Variants in PDF observed in about 807,000 individuals in gnomAD.
PDF encodes peptide deformylase, mitochondrial.
In PDF, 31 loss-of-function variants were observed where a neutral mutation model predicts 20.3. The ratio of observed to expected loss-of-function variants is 1.52; its 90% CI spans 1.15 to 2.06. The LOEUF is 2.06. PDF is among the 30% of genes most tolerant of loss of function. PDF has a pLI of 0.00. For missense variants in PDF, 447 were observed against 362.5 expected (o/e 1.23, Z -1.89); for synonymous variants, 254 against 172.0 (o/e 1.48, Z -3.73).
chr16:69,328,768 T>C lies in PDF; in HGVS notation c.*254A>G. On this transcript the variant is annotated 3_prime_UTR_variant, in exon 2 of 2. Transcript: ENST00000288022. ...AATGCAATTACCCCACCTTCCTCCA[T>C]ACAGAATTGTTAGGAAATGTCCACT... is the stretch of plus-strand genomic sequence containing the variant. 6 of 478,476 alleles carry C rather than the reference T, an allele frequency of 1.3e-5. No individual in the cohort carries two copies. Among genetic ancestry groups the C allele is most frequent in the Non-Finnish European group, 1.8e-5 (5 of 274,262 alleles). 29.6% of individuals were successfully genotyped at this position (478,476 alleles called of 1,614,324 possible). A position where few individuals can be genotyped will look rare whatever the true frequency, so the allele number is the denominator to read the frequency against.
At position 69,330,225 on chromosome 16, in the gene PDF, G is replaced by A. The variant is rs530679426; in HGVS notation, c.346C>T (p.Leu116=). The change falls in exon 1 of 2, where the codon CTG becomes TTG. Residue 116 remains leucine (L), a synonymous_variant. Transcript: ENST00000288022. ...RRCVGLSAPQ[L]GVPRQVLALE... Reference sequence around the variant, plus strand: ...GCCAGCACCTGCCGCGGCACCCCCAGCTGCGGCGCGCTTAGGCCCACGCAG... The same window carrying A: ...GCCAGCACCTGCCGCGGCACCCCCAACTGCGGCGCGCTTAGGCCCACGCAG... 3 of 1,452,166 alleles carry A rather than the reference G, an allele frequency of 2.1e-6. No homozygotes were observed. Among genetic ancestry groups the A allele is most frequent in the Non-Finnish European group, 2.7e-6 (3 of 1,111,016 alleles). The allele number at this position is 1,452,166 out of a possible 1,614,324, so 90.0% of individuals were successfully genotyped here.
At position 69,327,806 on chromosome 16, in the gene PDF, A is replaced by AT. The variant is rs1366025429; in HGVS notation, c.*1215dup. ...GCAGGAGGATTGCCTGAGACCAGGA[A>AT]TTTGAGGCCAGCCTGGGCAACATAG... is the stretch of plus-strand genomic sequence containing the variant. On this transcript the variant is annotated 3_prime_UTR_variant, in exon 2 of 2. Transcript: ENST00000288022. The AT allele has an allele frequency of 6.6e-6, 1 of 152,064 alleles. No homozygotes were observed. The highest frequency in any genetic ancestry group is 1.9e-4 in the East Asian group (1 of 5,162). The allele number at this position is 152,064 out of a possible 1,614,324, so 9.4% of individuals were successfully genotyped here.
At position 69,329,136 on chromosome 16, in the gene PDF, C is replaced by A. The variant is rs1881553295; in HGVS notation, c.618G>T (p.Gly206=). ...NGEQVVWQAS[G]WAARIIQHEM... is the part of the protein sequence containing the mutation. The stretch of plus-strand genomic sequence containing the variant: ...CGTGCTGGATGATGCGGGCTGCCCA[C>A]CCGCTCGCCTGCCACACCACCTGTT... Residue 206 remains glycine (G), a synonymous_variant, in exon 2 of 2, where the codon GGG becomes GGT. Coordinates refer to ENST00000288022, the MANE Select transcript of PDF (RefSeq NM_022341.2). 6.2e-7 allele frequency: 1 copy of A among 1,608,744 alleles called. No individual in the cohort carries two copies. The highest frequency in any genetic ancestry group is 8.5e-7 in the Non-Finnish European group (1 of 1,178,968).
In PDF at chr16:69,330,339, C is replaced by T. The variant is rs1295375275; in HGVS notation, c.232G>A (p.Val78Met). ...CQVGDPVLRG[V>M]AAPVERAQLG... ...TGCGCCCGCTCCACCGGGGCCGCCA[C>T]GCCGCGCAGCACCGGGTCCCCGACT... Residue 78 changes from valine (V) to methionine (M), a missense_variant, in exon 1 of 2, where the codon GTG (valine) becomes ATG (methionine). Transcript: ENST00000288022. 3 of 1,460,116 alleles carry T rather than the reference C, an allele frequency of 2.1e-6. No homozygotes were observed. The highest frequency in any genetic ancestry group is 1.8e-6 in the Non-Finnish European group (2 of 1,113,432). 90.4% of individuals were successfully genotyped at this position (1,460,116 alleles called of 1,614,324 possible).
Position 69,330,288 on chromosome 16 carries a change from G to A in PDF, c.283C>T (p.Leu95=). The change falls in exon 1 of 2, where the codon CTG becomes TTG. Residue 95 remains leucine, a synonymous_variant. Coordinates refer to ENST00000288022, the MANE Select transcript of PDF (RefSeq NM_022341.2). ...ATCACCTGGACCAGCCGTTGCGTCA[G>A]CCGCTGCAGCTCGGGCCCGCCTAGC... ...AQLGGPELQR[L]TQRLVQVMRR... 2 of 1,430,766 alleles carry A rather than the reference G, an allele frequency of 1.4e-6. No homozygotes were observed. The highest frequency in any genetic ancestry group is 1.8e-6 in the Non-Finnish European group (2 of 1,101,528). 88.6% of individuals were successfully genotyped at this position (1,430,766 alleles called of 1,614,324 possible).
intron 1 of PDF, among the ~76,000 whole-genome samples, 183 bp from the exon 2 acceptor site, chr16:69,329,362 T>C (rs1965708563): frequency 2.0e-5 from 3 of 152,198 alleles, no homozygotes; most frequent in South Asian, 4.1e-4. Context: ...TTACCAAGCG[T>C]TCAACCTGGT....
Position 69,330,187 on chromosome 16 carries a change from G to T in PDF, c.384C>A (p.Pro128=). 1 of 1,486,618 alleles carries T rather than the reference G, an allele frequency of 6.7e-7. No homozygotes were observed. Among genetic ancestry groups the T allele is most frequent in the East Asian group, 2.8e-5 (1 of 35,492 alleles). 92.1% of individuals were successfully genotyped at this position (1,486,618 alleles called of 1,614,324 possible). A position where few individuals can be genotyped will look rare whatever the true frequency, so the allele number is the denominator to read the frequency against. The change falls in exon 1 of 2, where the codon CCC becomes CCA. Residue 128 remains proline, a synonymous_variant. Transcript: ENST00000288022. ...VPRQVLALEL[P]EALCRECPPR... ...GCGGGCACTCCCGACACAGCGCCTC[G>T]GGGAGCTCCAGCGCCAGCACCTGCC...
At position 69,330,571 on chromosome 16, in the gene PDF, G is replaced by T; in HGVS notation, c.-1C>A. ...TCAGCGCGCCCCACAGCCGGGCCAT[G>T]GCGGCCCCCTTAACAGTGACCCGGC... On this transcript the variant is annotated 5_prime_UTR_variant, in exon 1 of 2. Coordinates refer to ENST00000288022, the MANE Select transcript of PDF (RefSeq NM_022341.2). The T allele has an allele frequency of 6.9e-7, 1 of 1,458,924 alleles. No individual in the cohort carries two copies. Among genetic ancestry groups the T allele is most frequent in the Non-Finnish European group, 9.0e-7 (1 of 1,116,034 alleles). The allele number at this position is 1,458,924 out of a possible 1,614,324, so 90.4% of individuals were successfully genotyped here. A position where few individuals can be genotyped will look rare whatever the true frequency, so the allele number is the denominator to read the frequency against.
chr16:69,330,344 C>G lies in PDF; in HGVS notation c.227G>C (p.Arg76Pro). Residue 76 changes from arginine (R) to proline (P), a missense_variant, in exon 1 of 2, where the codon CGC becomes CCC. Coordinates refer to ENST00000288022, the MANE Select transcript of PDF (RefSeq NM_022341.2). Reference sequence around the variant, plus strand: ...CCGCTCCACCGGGGCCGCCACGCCGCGCAGCACCGGGTCCCCGACTTGGCA... The same window carrying G: ...CCGCTCCACCGGGGCCGCCACGCCGGGCAGCACCGGGTCCCCGACTTGGCA... ...HVCQVGDPVL[R>P]GVAAPVERAQ... is the part of the protein sequence containing the mutation. 1 of 1,468,896 alleles carries G rather than the reference C, an allele frequency of 6.8e-7. No homozygotes were observed. Among genetic ancestry groups the G allele is most frequent in the Non-Finnish European group, 8.9e-7 (1 of 1,117,676 alleles). 91.0% of individuals were successfully genotyped at this position (1,468,896 alleles called of 1,614,324 possible).
At position 69,327,759 on chromosome 16, in the gene PDF, C is replaced by T. The variant is rs1265905890; in HGVS notation, c.*1263G>A. 1.3e-5 allele frequency: 2 copies of T among 151,934 alleles called. No individual in the cohort carries two copies. Among genetic ancestry groups the T allele is most frequent in the African/African-American group, 4.8e-5 (2 of 41,322 alleles). 9.4% of individuals were successfully genotyped at this position (151,934 alleles called of 1,614,324 possible). On this transcript the variant is annotated 3_prime_UTR_variant, in exon 2 of 2. Coordinates refer to ENST00000288022, the MANE Select transcript of PDF (RefSeq NM_022341.2). ...CTGGGTAGTGTGGCTCACAACTGATCCCAGCACTTTGGGAGGCCGAGGCAG... is the reference window on the plus strand; with the variant it reads ...CTGGGTAGTGTGGCTCACAACTGATTCCAGCACTTTGGGAGGCCGAGGCAG...
Position 69,328,945 on chromosome 16 carries a change from C to T in PDF, c.*77G>A. The T allele has an allele frequency of 1.3e-6, 2 of 1,541,720 alleles. No homozygotes were observed. Among genetic ancestry groups the T allele is most frequent in the East Asian group, 4.9e-5 (2 of 40,744 alleles). On this transcript the variant is annotated 3_prime_UTR_variant, in exon 2 of 2. Coordinates refer to ENST00000288022, the MANE Select transcript of PDF (RefSeq NM_022341.2). ...ATATGCGAGCCATCCAAGTTGATGCCAAGTAAGATTTGCCCAGCTCAAAGT... is the reference window on the plus strand; with the variant it reads ...ATATGCGAGCCATCCAAGTTGATGCTAAGTAAGATTTGCCCAGCTCAAAGT...
Position 69,330,103 on chromosome 16 carries a change from G to A in PDF, c.468C>T (p.Pro156=), listed in dbSNP as rs143789731. The change falls in exon 1 of 2, where the codon CCC becomes CCT. Residue 156 remains proline (P), a synonymous_variant. Coordinates refer to ENST00000288022, the MANE Select transcript of PDF (RefSeq NM_022341.2). ...GGCGGCTGTCAAGCACTCGCAGGCT[G>A]GGGTTCACGAACACGCGCAGGGGGA... ...EPFPLRVFVN[P]SLRVLDSRLV... The A allele has an allele frequency of 1.1e-4, 169 of 1,582,766 alleles. No individual in the cohort carries two copies. The highest frequency in any genetic ancestry group is 3.4e-4 in the Middle Eastern group (2 of 5,960).
chr16:69,329,018 A>C lies in PDF; in HGVS notation c.*4T>G. 1.9e-6 allele frequency: 3 copies of C among 1,602,888 alleles called. No individual in the cohort carries two copies. In the East Asian group the frequency reaches 6.8e-5, roughly 36 times the overall value. On this transcript the variant is annotated 3_prime_UTR_variant, in exon 2 of 2. Coordinates refer to ENST00000288022, the MANE Select transcript of PDF (RefSeq NM_022341.2). Reference sequence around the variant, plus strand: ...CCGGAATCCTCAGCCCCAGTAGCAAAGCTTTAGTCATTCACCTTCATCCAA... The same window carrying C: ...CCGGAATCCTCAGCCCCAGTAGCAACGCTTTAGTCATTCACCTTCATCCAA...
At chr16:69,329,346 G>A (rs990440566) in intron 1 of PDF, among the ~76,000 whole-genome samples, 167 bp from the exon 2 acceptor site, 3 of 152,152 alleles carry the variant, frequency 2.0e-5, no homozygotes, top group African/African-American at 7.2e-5. Flanking sequence ...CCCTCATCTC[G>A]GTCCATTACC....
chr16:69,330,023 G>A lies in PDF; in HGVS notation c.548C>T (p.Pro183Leu). Residue 183 changes from proline (P) to leucine (L), a missense_variant, in exon 1 of 2, where the codon CCC becomes CTC. By Grantham distance (98) the Pro-to-Leu change is moderately conservative. Transcript: ENST00000288022. ...ESVAGFLACV[P>L]RFQAVQISGL... ...TGAGATCTGCACCGCCTGGAAGCGG[G>A]GCACGCAGGCCAGGAAGCCGGCGAC... 6.5e-7 allele frequency: 1 copy of A among 1,542,032 alleles called. No homozygotes were observed.
At position 69,330,536 on chromosome 16, in the gene PDF, G is replaced by C. The variant is rs960880193; in HGVS notation, c.35C>G (p.Pro12Arg). Residue 12 changes from proline to arginine, a missense_variant, in exon 1 of 2, where the codon CCA becomes CGA. By Grantham distance (103) the Pro-to-Arg change is moderately radical. Coordinates refer to ENST00000288022, the MANE Select transcript of PDF (RefSeq NM_022341.2). ...ARLWGALSLW[P>R]LWAAVPWGGA... is the part of the protein sequence containing the mutation. ...GCCCCACGGCACGGCCGCCCACAGTGGCCAAAGACTCAGCGCGCCCCACAG... is the reference window on the plus strand; with the variant it reads ...GCCCCACGGCACGGCCGCCCACAGTCGCCAAAGACTCAGCGCGCCCCACAG... The C allele has an allele frequency of 1.6e-4, 230 of 1,478,410 alleles. No homozygotes were observed. The highest frequency in any genetic ancestry group is 1.9e-4 in the Non-Finnish European group (219 of 1,123,564). The allele number at this position is 1,478,410 out of a possible 1,614,324, so 91.6% of individuals were successfully genotyped here.
chr16:69,329,949 A>G, intron 1 of PDF, 48 bp downstream of exon 1: 2 of 1,487,196 alleles, frequency 1.3e-6, no homozygotes, highest in Non-Finnish European at 1.8e-6. Flanking sequence ...AGTCGGGCAG[A>G]AGAGACGCGC....
rs756710706 is a variant in PDF, at chr16:69,330,163, C to T, written c.408G>A (p.Pro136=). 28 of 1,530,948 alleles carry T rather than the reference C, an allele frequency of 1.8e-5. No homozygotes were observed. The highest frequency in any genetic ancestry group is 1.9e-4 in the Middle Eastern group (1 of 5,160). The allele number at this position is 1,530,948 out of a possible 1,614,324, so 94.8% of individuals were successfully genotyped here. A position where few individuals can be genotyped will look rare whatever the true frequency, so the allele number is the denominator to read the frequency against. ...TTTGGCGGAGCGCGCGCTGGCGGGG[C>T]GGGCACTCCCGACACAGCGCCTCGG... The part of the protein sequence containing the change: ...ELPEALCREC[P]PRQRALRQME... Residue 136 remains proline (P), a synonymous_variant, in exon 1 of 2, where the codon CCG becomes CCA. Transcript: ENST00000288022.
chr16:69,329,922 C>G, intron 1 of PDF, 75 bp downstream of exon 1: 1 of 1,444,048 alleles, frequency 6.9e-7, no homozygotes, highest in Non-Finnish European at 9.1e-7. Context: ...ACCGCGACCA[C>G]TTCTGCGCTC....
Sources: allele counts gnomAD v4.1 joint callset (sites outside exome capture counted in the v4.1 genomes callset), GRCh38; gene constraint gnomAD v4.1.1; transcripts MANE v1.5; gene names NCBI Gene and HGNC (gene_info 2026-07-23, HGNC 2026-07-21).